The following GIGYF2 variants were observed in gnomAD, a reference collection of about 807,000 sequenced individuals.
The protein encoded by GIGYF2 is GRB10-interacting GYF protein 2.
Under a neutral mutation model 208.1 loss-of-function variants are expected in GIGYF2, and 25 were observed. The ratio of observed to expected loss-of-function variants is 0.12; its 90% CI spans 0.09 to 0.17. The LOEUF (loss-of-function observed/expected upper bound fraction) is 0.17. Among genes scored for constraint, GIGYF2 ranks in the 10% least tolerant of loss-of-function variants. The pLI, the probability that GIGYF2 is intolerant of heterozygous loss-of-function variation, is 1.00. For synonymous variants in GIGYF2, 534 were observed against 543.8 expected, an observed-to-expected ratio of 0.98 and a Z score of 0.25; for missense variants, 1,302 against 1,579.4, an observed-to-expected ratio of 0.82 and a Z score of 2.98.
At chr2:232,849,654 C>CACTA (rs1690232240) in intron 27 of GIGYF2, among the ~76,000 whole-genome samples, 1 of 152,184 alleles carries the variant, frequency 6.6e-6, no homozygotes. Flanking sequence ...ACTTCTCCCC[C>CACTA]ACTACTACCA....
intron 8 of GIGYF2, among the ~76,000 whole-genome samples, chr2:232,770,488 A>C (rs1699190609): frequency 6.6e-6 from 1 of 152,226 alleles, no homozygotes; most frequent in African/African-American, 2.4e-5. Context: ...TCAGTGAAGA[A>C]AAAAAACCAA....
rs540662511 is a variant in GIGYF2 at position 232,796,858 on chromosome 2, TA to T, written c.1639+647del. On this transcript the variant is annotated intron_variant, in intron 14 of 28. Transcript: ENST00000373563. ...CTGGGTGACAGAGTGAGATTCTGTCTAAAAAAAAAATTGAATACAAGGCAGA... is the reference window on the plus strand; with the variant it reads ...CTGGGTGACAGAGTGAGATTCTGTCTAAAAAAAAATTGAATACAAGGCAGA... Among the ~76,000 whole-genome samples, 1,233 of 149,760 alleles carry T rather than the reference TA, an allele frequency of 8.2e-3. 10 individuals are homozygous for T. The highest frequency in any genetic ancestry group is 0.013 in the Non-Finnish European group (862 of 67,218).
intron 5 of GIGYF2, among the ~76,000 whole-genome samples, chr2:232,752,936 C>T (rs959326281): frequency 6.6e-6 from 1 of 152,046 alleles, no homozygotes; most frequent in Non-Finnish European, 1.5e-5. Flanking sequence ...AACTCTGCCA[C>T]TTATTACTCT....
intron 23 of GIGYF2, among the ~76,000 whole-genome samples, chr2:232,841,892 C>T (rs1015966517): frequency 3.3e-5 from 5 of 152,044 alleles, no homozygotes; most frequent in African/African-American, 1.2e-4. Context: ...CATGTTTTTT[C>T]TCCTGTTTTC....
At chr2:232,697,500 T>G (rs4144796) in intron 1 of GIGYF2, 108 bp downstream of exon 1, 1 of 153,130 alleles carries the variant, frequency 6.5e-6, no homozygotes, top group Admixed American at 6.5e-5. Context: ...GCGCCCCTGC[T>G]CCTCCTGCCC....
At position 232,801,885 on chromosome 2, in the gene GIGYF2, AT is replaced by A. The variant is rs375450877; in HGVS notation, c.1640-4605del. 5.6e-4 allele frequency among the ~76,000 whole-genome samples: 86 copies of A among 152,342 alleles called. 3 individuals carry two copies. The East Asian group carries it at 0.015, about 26-fold the overall frequency. On this transcript the variant is annotated intron_variant, in intron 14 of 28. Transcript: ENST00000373563. ...TTTCGGTAGTACTGACATTGTAACA[AT>A]GTTAAATCTTCCAGTCCATGAACAT...
At chr2:232,714,116 ATT>A (rs1310402954) in intron 2 of GIGYF2, among the ~76,000 whole-genome samples, 1 of 151,664 alleles carries the variant, frequency 6.6e-6, no homozygotes, top group Non-Finnish European at 1.5e-5. Flanking sequence ...TGCATGGCTA[ATT>A]TTTTTGTATT....
chr2:232,749,759 C>T (rs1698272436), intron 5 of GIGYF2, among the ~76,000 whole-genome samples: 1 of 152,090 alleles, frequency 6.6e-6, no homozygotes, highest in African/African-American at 2.4e-5. Flanking sequence ...AAAAATACAT[C>T]TTTTTGACTC....
In GIGYF2 at chr2:232,847,540, C is replaced by A; in HGVS notation, c.3653C>A (p.Pro1218Gln). The A allele has an allele frequency of 6.2e-7, 1 of 1,602,406 alleles. No homozygotes were observed. The highest frequency in any genetic ancestry group is 8.5e-7 in the Non-Finnish European group (1 of 1,174,448). Residue 1218 changes from proline to glutamine, a missense_variant, in exon 27 of 29, where the codon CCA becomes CAA. This residue lies in a region of GIGYF2 where 701 missense variants were observed against 793.0 expected (regional missense o/e 0.88). Transcript: ENST00000373563. Reference sequence around the variant, plus strand: ...CCACAGCAGCAGCAGCAGCAGCCGCCACAGCAGCCGCCACAGCAGCCACAA... The same window carrying A: ...CCACAGCAGCAGCAGCAGCAGCCGCAACAGCAGCCGCCACAGCAGCCACAA... Reference protein sequence around the residue: ...QLPQQQQQQPPQQPPQQPQQQ... With the variant: ...QLPQQQQQQPQQQPPQQPQQQ...
intron 21 of GIGYF2, among the ~76,000 whole-genome samples, chr2:232,825,711 C>T (rs1701225844): frequency 6.6e-6 from 1 of 151,852 alleles, no homozygotes; most frequent in Non-Finnish European, 1.5e-5. Flanking sequence ...GAGATTGACT[C>T]CAATTTTTTT....
chr2:232,797,410 T>C (rs533838643), intron 14 of GIGYF2, among the ~76,000 whole-genome samples: 20 of 152,088 alleles, frequency 1.3e-4, no homozygotes, highest in African/African-American at 4.6e-4. Flanking sequence ...CCTATTCTCC[T>C]TCACAGCATT....
chr2:232,838,028 T>C (rs910252204), intron 22 of GIGYF2, among the ~76,000 whole-genome samples: 3 of 152,134 alleles, frequency 2.0e-5, no homozygotes, highest in Admixed American at 1.3e-4. Flanking sequence ...ACTGCAGTTC[T>C]CCTGAGTGGG....
At chr2:232,772,124 G>A (rs534968874) in intron 8 of GIGYF2, among the ~76,000 whole-genome samples, 3 of 152,250 alleles carry the variant, frequency 2.0e-5, no homozygotes, top group African/African-American at 4.8e-5. Context: ...ATATTGCCTA[G>A]GCTGGTCTCA....
chr2:232,715,525 A>G (rs1350719607), intron 2 of GIGYF2, among the ~76,000 whole-genome samples: 1 of 152,028 alleles, frequency 6.6e-6, no homozygotes, highest in African/African-American at 2.4e-5. Context: ...TTTCATGTAT[A>G]GTGTACGGGC....
intron 21 of GIGYF2, among the ~76,000 whole-genome samples, chr2:232,831,106 A>G (rs1246096831): frequency 6.6e-6 from 1 of 152,178 alleles, no homozygotes; most frequent in Non-Finnish European, 1.5e-5. Flanking sequence ...CGTATTGCCA[A>G]CAGTGTTTGG....
intron 5 of GIGYF2, among the ~76,000 whole-genome samples, chr2:232,751,263 G>A (rs1272515362): frequency 2.0e-5 from 3 of 152,210 alleles, no homozygotes; most frequent in African/African-American, 7.2e-5. Flanking sequence ...CACTCAGGCT[G>A]TAGTGCAGTG....
intron 8 of GIGYF2, among the ~76,000 whole-genome samples, chr2:232,785,502 C>A (rs1218984570): frequency 6.6e-6 from 1 of 152,174 alleles, no homozygotes; most frequent in African/African-American, 2.4e-5. Context: ...AACTAGTGTC[C>A]TTCAGAGAAA....
chr2:232,699,624 T>G (rs1370265066), intron 1 of GIGYF2, among the ~76,000 whole-genome samples: 1 of 152,214 alleles, frequency 6.6e-6, no homozygotes, highest in Non-Finnish European at 1.5e-5. Flanking sequence ...AAAGTACTTT[T>G]CAAAAGCAAT....
chr2:232,813,881 ATTTTTTTTT>A (rs397871962), intron 18 of GIGYF2, among the ~76,000 whole-genome samples: 23 of 73,536 alleles, frequency 3.1e-4, no homozygotes, highest in African/African-American at 9.4e-4. Flanking sequence ...TCACAAGTGG[ATTTTTTTTT>A]TTTTTTTTTT....
Sources: allele counts gnomAD v4.1 joint callset (sites outside exome capture counted in the v4.1 genomes callset), GRCh38; gene constraint gnomAD v4.1.1; regional missense constraint gnomAD v4.1.1; transcripts MANE v1.5; gene names NCBI Gene and HGNC (gene_info 2026-07-23, HGNC 2026-07-21).